ZNF713: variants seen among roughly 807,000 people sequenced by gnomAD.
ZNF713 encodes the protein zinc finger protein 713.
In ZNF713, 21 loss-of-function variants were observed where a neutral mutation model predicts 28.7. The ratio of observed to expected loss-of-function variants is 0.73; its 90% confidence interval spans 0.52 to 1.05. The LOEUF is 1.05. ZNF713 is among the 50% of genes least tolerant of loss of function. The pLI, the probability that ZNF713 is intolerant of heterozygous loss-of-function variation, is 0.00. For missense variants in ZNF713, 458 were observed against 532.4 expected (o/e 0.86, Z 1.37); for synonymous variants, 167 against 178.0 (o/e 0.94, Z 0.49).
rs375320602 is a variant in ZNF713 at position 55,942,033 on chromosome 7, G to T, written c.*2027G>T. ...TTTTTCAGTTAAAATTATTTCTGCTGTATTTGTAGAACAGAAGTTTTGGGA... is the reference window on the plus strand; with the variant it reads ...TTTTTCAGTTAAAATTATTTCTGCTTTATTTGTAGAACAGAAGTTTTGGGA... On this transcript the variant is annotated 3_prime_UTR_variant, in exon 7 of 7. Coordinates refer to ENST00000429591, the MANE Select transcript of ZNF713 (RefSeq NM_182633.3). 2.0e-5 allele frequency: 3 copies of T among 151,956 alleles called. No individual in the cohort carries two copies. Among genetic ancestry groups the T allele is most frequent in the African/African-American group, 7.3e-5 (3 of 41,360 alleles). The allele number at this position is 151,956 out of a possible 1,614,324, so 9.4% of individuals were successfully genotyped here.
intron 6 of ZNF713, among the ~76,000 whole-genome samples, chr7:55,933,521 T>C (rs1165408566): frequency 2.0e-5 from 3 of 152,054 alleles, no homozygotes; most frequent in Non-Finnish European, 4.4e-5. Context: ...GATCTCGAAC[T>C]CCTGACCTCA....
At chr7:55,908,961 C>G (rs1785735466) in intron 2 of ZNF713, among the ~76,000 whole-genome samples, 1 of 151,828 alleles carries the variant, frequency 6.6e-6, no homozygotes, top group Admixed American at 6.6e-5. Context: ...GTAATCCTAG[C>G]ACTTTGGGAG....
intron 4 of ZNF713, among the ~76,000 whole-genome samples, chr7:55,915,853 A>G (rs1785873569): frequency 6.6e-6 from 1 of 152,312 alleles, no homozygotes; most frequent in East Asian, 1.9e-4. Flanking sequence ...GCAGAAAGAT[A>G]ACATAATAAG....
chr7:55,902,993 C>CAAAA (rs35706402), intron 1 of ZNF713, among the ~76,000 whole-genome samples: 1 of 80,748 alleles, frequency 1.2e-5, no homozygotes, highest in African/African-American at 5.2e-5. Flanking sequence ...AACTCCGTCT[C>CAAAA]AAAAAAAAAA....
At chr7:55,931,539 T>G (rs1157046734) in intron 6 of ZNF713, among the ~76,000 whole-genome samples, 1 of 151,652 alleles carries the variant, frequency 6.6e-6, no homozygotes, top group Non-Finnish European at 1.5e-5. Context: ...CCCCTTCCCT[T>G]TCTCCCTAAT....
intron 4 of ZNF713, among the ~76,000 whole-genome samples, chr7:55,921,717 T>C (rs1055409517): frequency 1.3e-5 from 2 of 152,208 alleles, no homozygotes; most frequent in Non-Finnish European, 2.9e-5. Context: ...CTGGTGAAGA[T>C]GCTTTGAATA....
chr7:55,914,303 T>C (rs1393779737), intron 4 of ZNF713, among the ~76,000 whole-genome samples: 3 of 152,182 alleles, frequency 2.0e-5, no homozygotes, highest in African/African-American at 7.2e-5. Context: ...TCCAATTATA[T>C]GTGATAATCA....
intron 1 of ZNF713, among the ~76,000 whole-genome samples, chr7:55,888,588 T>C (rs1348346394): frequency 3.9e-5 from 6 of 152,024 alleles, no homozygotes; most frequent in Non-Finnish European, 7.4e-5. Context: ...GGTCTCACCA[T>C]GTTTCCCAGG....
chr7:55,909,415 G>A (rs765477008), intron 2 of ZNF713, among the ~76,000 whole-genome samples: 3 of 152,090 alleles, frequency 2.0e-5, no homozygotes, highest in East Asian at 1.9e-4. Flanking sequence ...TTTTGTACCA[G>A]TACCATGCTA....
intron 1 of ZNF713, among the ~76,000 whole-genome samples, chr7:55,899,316 G>A (rs952612807): frequency 2.0e-4 from 26 of 131,074 alleles, no homozygotes; most frequent in African/African-American, 7.5e-4. Context: ...TCGTGCCACT[G>A]TACTCCATCC....
At chr7:55,937,939 C>T (rs1274976578) in intron 6 of ZNF713, among the ~76,000 whole-genome samples, 2 of 151,516 alleles carry the variant, frequency 1.3e-5, no homozygotes, top group East Asian at 1.9e-4. Flanking sequence ...CACGGTGGCT[C>T]ATGCCTATAA....
At chr7:55,909,489 T>A (rs1785744764) in intron 2 of ZNF713, among the ~76,000 whole-genome samples, 1 of 152,214 alleles carries the variant, frequency 6.6e-6, no homozygotes, top group Non-Finnish European at 1.5e-5. Context: ...CCAGCTTTGT[T>A]CTTTTTGCTT....
chr7:55,918,151 C>T, intron 4 of ZNF713: 1 of 456,508 alleles, frequency 2.2e-6, no homozygotes, highest in Non-Finnish European at 4.4e-6. Flanking sequence ...ACTTCTACCT[C>T]ATTCTGTTGG....
rs569797611 is a variant in ZNF713 at position 55,893,896 on chromosome 7, A to G, written c.-583+6216A>G. Among the ~76,000 whole-genome samples, 11 of 152,280 alleles carry G rather than the reference A, an allele frequency of 7.2e-5. No homozygotes were observed. In the East Asian group the frequency reaches 1.9e-3, roughly 27 times the overall value. ...CACCTGGCCAAGGGTTGTTGTTTCT[A>G]TGACCTGCCTTGGGGAAGGGGTATT... On this transcript the variant is annotated intron_variant, in intron 1 of 6. Transcript: ENST00000429591.
At chr7:55,910,658 G>C (rs1374022655) in intron 2 of ZNF713, among the ~76,000 whole-genome samples, 1 of 152,038 alleles carries the variant, frequency 6.6e-6, no homozygotes, top group African/African-American at 2.4e-5. Context: ...ACCACACCCA[G>C]CTAATTTTTG....
intron 4 of ZNF713, among the ~76,000 whole-genome samples, chr7:55,914,382 A>G (rs899992136): frequency 6.6e-6 from 1 of 152,016 alleles, no homozygotes; most frequent in African/African-American, 2.4e-5. Flanking sequence ...TTTTGTAGAG[A>G]CAAGGTTTCA....
chr7:55,893,257 A>G (rs1435750516), intron 1 of ZNF713, among the ~76,000 whole-genome samples: 1 of 152,178 alleles, frequency 6.6e-6, no homozygotes, highest in Non-Finnish European at 1.5e-5. Flanking sequence ...ACATAAACAT[A>G]AACATACAGT....
Position 55,939,766 on chromosome 7 carries a change from T to TA in ZNF713, c.1093dup (p.Thr365AsnfsTer25), listed in dbSNP as rs1355438415. 1.2e-6 allele frequency: 2 copies of TA among 1,614,176 alleles called. No individual in the cohort carries two copies. Among genetic ancestry groups the TA allele is most frequent in the South Asian group, 2.2e-5 (2 of 91,076 alleles). The stretch of plus-strand genomic sequence containing the variant: ...CCCTTACTGAACATCATAGACTTCA[T>TA]ACCGGAGAGAAACCTTACGAATGTG... On this transcript the variant is annotated frameshift_variant, in exon 7 of 7. Transcript: ENST00000429591. LOFTEE classifies it high-confidence loss of function.
In ZNF713 at chr7:55,923,243, T is replaced by C. The variant is rs2116239283; in HGVS notation, c.169T>C (p.Tyr57His). The C allele has an allele frequency of 6.2e-7, 1 of 1,613,752 alleles. No individual in the cohort carries two copies. Among genetic ancestry groups the C allele is most frequent in the East Asian group, 2.2e-5 (1 of 44,868 alleles). The part of the protein sequence containing the change: ...DQLYPAQKNL[Y>H]RDVMLENYRN... ...GCTGTACCCTGCCCAAAAGAACCTC[T>C]ATCGAGACGTGATGCTGGAGAACTA... Residue 57 changes from tyrosine to histidine, a missense_variant, in exon 5 of 7, where the codon TAT becomes CAT. Physicochemically the swap from Tyr to His is moderately conservative, Grantham distance 83 (BLOSUM62 2). Transcript: ENST00000429591.
Sources: allele counts gnomAD v4.1 joint callset (sites outside exome capture counted in the v4.1 genomes callset), GRCh38; gene constraint gnomAD v4.1.1; transcripts MANE v1.5; gene names NCBI Gene and HGNC (gene_info 2026-07-23, HGNC 2026-07-21).